The following SPAG16 variants were observed in gnomAD, a reference collection of about 807,000 sequenced individuals.
SPAG16 encodes sperm associated antigen 16.
In SPAG16, 86 loss-of-function variants were observed where a neutral mutation model predicts 80.4. That is an observed-to-expected ratio of 1.07 (90% confidence interval 0.90 to 1.28). SPAG16 has a LOEUF of 1.28. Among genes scored for constraint, SPAG16 ranks in the 50% most tolerant of loss-of-function variants. SPAG16 has a pLI of 0.00. For synonymous variants in SPAG16, 294 were observed against 265.9 expected (o/e 1.11, Z -1.03); for missense variants, 870 against 765.3 (o/e 1.14, Z -1.61).
At chr2:213,900,665 T>G (rs2077183700) in intron 11 of SPAG16, among the ~76,000 whole-genome samples, 1 of 152,196 alleles carries the variant, frequency 6.6e-6, no homozygotes. Flanking sequence ...CTAATTGTTC[T>G]GTTACTCTTC....
chr2:214,335,346 G>T (rs891553145), intron 15 of SPAG16, among the ~76,000 whole-genome samples: 2 of 152,148 alleles, frequency 1.3e-5, no homozygotes, highest in Middle Eastern at 3.4e-3. Context: ...CGCAGCATCC[G>T]CTACACACTG....
At chr2:214,026,358 C>A (rs2048131712) in intron 13 of SPAG16, among the ~76,000 whole-genome samples, 2 of 151,296 alleles carry the variant, frequency 1.3e-5, no homozygotes, top group African/African-American at 4.8e-5. Context: ...TCAATAGCTT[C>A]TTCTTTGCTG....
chr2:213,716,992 T>C (rs905177203), intron 10 of SPAG16, among the ~76,000 whole-genome samples: 8 of 152,116 alleles, frequency 5.3e-5, no homozygotes, highest in Non-Finnish European at 1.0e-4. Flanking sequence ...CCTGATAAAA[T>C]TGTTTGACAG....
At chr2:213,530,711 T>C (rs982196994) in intron 10 of SPAG16, among the ~76,000 whole-genome samples, 2 of 152,148 alleles carry the variant, frequency 1.3e-5, no homozygotes, top group Admixed American at 1.3e-4. Flanking sequence ...TCAATTAGAA[T>C]TATTTTCTAT....
intron 11 of SPAG16, among the ~76,000 whole-genome samples, chr2:213,918,186 G>T (rs1294892647): frequency 2.0e-5 from 3 of 151,988 alleles, no homozygotes; most frequent in African/African-American, 7.3e-5. Flanking sequence ...TTTTGTTGAG[G>T]TTTTTTGTAT....
intron 15 of SPAG16, among the ~76,000 whole-genome samples, chr2:214,258,456 T>C (rs1288256077): frequency 7.8e-6 from 1 of 128,208 alleles, no homozygotes; most frequent in Non-Finnish European, 1.7e-5. Context: ...ACAGTGTGTG[T>C]ATGTATGTGT....
chr2:213,471,182 C>A (rs528663782), intron 9 of SPAG16, among the ~76,000 whole-genome samples: 3 of 152,300 alleles, frequency 2.0e-5, no homozygotes, highest in South Asian at 2.1e-4. Context: ...AGGACTTAAT[C>A]TTCTCTTCCT....
chr2:213,669,618 T>G (rs760568945), intron 10 of SPAG16, among the ~76,000 whole-genome samples: 3 of 152,212 alleles, frequency 2.0e-5, no homozygotes, highest in Non-Finnish European at 4.4e-5. Flanking sequence ...TTATATCCTT[T>G]AATGGTAAAA....
chr2:213,561,546 C>A (rs1289129979), intron 10 of SPAG16, among the ~76,000 whole-genome samples: 1 of 152,082 alleles, frequency 6.6e-6, no homozygotes, highest in Non-Finnish European at 1.5e-5. Context: ...AATGTATACA[C>A]CTACTATGTA....
At chr2:213,431,673 G>A (rs2070309599) in intron 9 of SPAG16, among the ~76,000 whole-genome samples, 1 of 151,918 alleles carries the variant, frequency 6.6e-6, no homozygotes, top group African/African-American at 2.4e-5. Context: ...ACACCCTACG[G>A]ACACACTATA....
At chr2:213,767,365 G>GA (rs1190025564) in intron 10 of SPAG16, among the ~76,000 whole-genome samples, 1 of 151,984 alleles carries the variant, frequency 6.6e-6, no homozygotes, top group African/African-American at 2.4e-5. Flanking sequence ...GTGTAGGTAG[G>GA]AATATTAGAA....
intron 11 of SPAG16, among the ~76,000 whole-genome samples, chr2:213,885,321 G>C (rs1190410682): frequency 6.6e-6 from 1 of 152,104 alleles, no homozygotes; most frequent in Non-Finnish European, 1.5e-5. Flanking sequence ...TCAACTGCAT[G>C]GCTCCTTTAT....
At chr2:214,057,756 G>A (rs1474373826) in intron 13 of SPAG16, among the ~76,000 whole-genome samples, 1 of 152,096 alleles carries the variant, frequency 6.6e-6, no homozygotes, top group Non-Finnish European at 1.5e-5. Flanking sequence ...CTGTTTTTTA[G>A]TGTGGCCAAC....
intron 15 of SPAG16, among the ~76,000 whole-genome samples, chr2:214,316,191 T>A (rs1324790064): frequency 6.6e-6 from 1 of 151,956 alleles, no homozygotes; most frequent in Non-Finnish European, 1.5e-5. Flanking sequence ...ACCTCAAGTG[T>A]CTTAATAAGT....
chr2:214,138,423 AT>A (rs2055175740), intron 14 of SPAG16, among the ~76,000 whole-genome samples: 1 of 152,150 alleles, frequency 6.6e-6, no homozygotes, highest in African/African-American at 2.4e-5. Flanking sequence ...TTGCAAAAGA[AT>A]ATTTAAAGCC....
At chr2:213,414,899 T>C (rs752014877) in intron 9 of SPAG16, among the ~76,000 whole-genome samples, 1 of 152,236 alleles carries the variant, frequency 6.6e-6, no homozygotes, top group Non-Finnish European at 1.5e-5. Context: ...GTCTGTTCTT[T>C]GTGACATAGT....
intron 12 of SPAG16, among the ~76,000 whole-genome samples, chr2:213,971,354 A>T (rs997602663): frequency 3.3e-5 from 5 of 152,158 alleles, no homozygotes; most frequent in African/African-American, 1.2e-4. Flanking sequence ...TAAATAATTG[A>T]TAATTTATTA....
chr2:214,367,818 G>A (rs1220459343), intron 15 of SPAG16, among the ~76,000 whole-genome samples: 1 of 151,770 alleles, frequency 6.6e-6, no homozygotes, highest in Admixed American at 6.6e-5. Context: ...TTTTTTCCTT[G>A]AAGAAAATTC....
chr2:213,813,821 C>G (rs1195096597), intron 10 of SPAG16, among the ~76,000 whole-genome samples: 1 of 152,154 alleles, frequency 6.6e-6, no homozygotes, highest in Non-Finnish European at 1.5e-5. Context: ...CCCACCATGG[C>G]AAGAAGCACC....
Sources: gnomAD v4.1 joint callset for allele counts (sites outside exome capture counted in the v4.1 genomes callset) on GRCh38, gnomAD v4.1.1 for gene constraint, MANE v1.5 for transcripts, NCBI Gene and HGNC (gene_info 2026-07-23, HGNC 2026-07-21) for gene names.